Variants in POLR3F observed in about 807,000 individuals in gnomAD.
POLR3F encodes RNA polymerase III subunit F.
Under a neutral mutation model 43.6 loss-of-function variants are expected in POLR3F, and 31 were observed. The ratio of observed to expected loss-of-function variants is 0.71; its 90% CI spans 0.53 to 0.96. POLR3F has a LOEUF of 0.96. POLR3F is among the 40% of genes least tolerant of loss of function. POLR3F has a pLI of 0.00. For synonymous variants in POLR3F, 114 were observed against 132.5 expected (o/e 0.86, Z 0.96); for missense variants, 316 against 391.7 (o/e 0.81, Z 1.63).
In POLR3F at chr20:18,481,741, AC is replaced by A. The variant is rs769110309; in HGVS notation, c.805del (p.Leu269CysfsTer42). 6.2e-7 allele frequency: 1 copy of A among 1,613,266 alleles called. No homozygotes were observed. Among genetic ancestry groups the A allele is most frequent in the Non-Finnish European group, 8.5e-7 (1 of 1,179,452 alleles). On this transcript the variant is annotated frameshift_variant, in exon 8 of 9. Transcript: ENST00000377603. LOFTEE classifies it high-confidence loss of function. Reference sequence around the variant, plus strand: ...TTGGCAGTGTAGATGGACACATGAAACTGTACAGGGCAGTCAATCCAATCAT... The same window carrying A: ...TTGGCAGTGTAGATGGACACATGAAATGTACAGGGCAGTCAATCCAATCAT... ...TVGSVDGHMK[L>X]YRAVNPIIPP...
Position 18,467,468 on chromosome 20 carries a change from C to A in POLR3F, c.-39C>A, listed in dbSNP as rs764647786. On this transcript the variant is annotated 5_prime_UTR_variant, in exon 1 of 9. Transcript: ENST00000377603. ...TCCCCGGCTTGCTACCGGGCTGCTC[C>A]GTGCATCTTTCCCCCCAGGCGTCAG... is the stretch of plus-strand genomic sequence containing the variant. 24 of 1,611,988 alleles carry A rather than the reference C, an allele frequency of 1.5e-5. No homozygotes were observed. The highest frequency in any genetic ancestry group is 1.8e-5 in the Non-Finnish European group (21 of 1,178,106).
intron 5 of POLR3F, among the ~76,000 whole-genome samples, chr20:18,479,332 T>C (rs192883886): frequency 6.7e-6 from 1 of 148,896 alleles, no homozygotes; most frequent in East Asian, 2.0e-4. Context: ...CCGTCTCTGC[T>C]AAAAATACAA....
intron 3 of POLR3F, chr20:18,473,160 G>C (rs1289484977): frequency 3.0e-6 from 1 of 338,890 alleles, no homozygotes; most frequent in Non-Finnish European, 5.4e-6. Context: ...AACAAAAATG[G>C]AATCATGCTA....
Position 18,467,565 on chromosome 20 carries a change from A to G in POLR3F, c.59A>G (p.Asn20Ser). Residue 20 changes from asparagine (N) to serine (S), a missense_variant, in exon 1 of 9, where the codon AAC (asparagine) becomes AGC (serine). By Grantham distance (46) the Asn-to-Ser change is conservative (BLOSUM62 1). This residue lies in a region of POLR3F where 122 missense variants were observed against 133.8 expected (regional missense o/e 0.91). Coordinates refer to ENST00000377603, the MANE Select transcript of POLR3F (RefSeq NM_006466.4). ...PPDADPVEIE[N>S]RIIELCHQFP... ...GACGCGGATCCGGTCGAAATAGAAA[A>G]CAGGTAAACCAGTGAGGCTCCGGCT... 1 of 1,614,188 alleles carries G rather than the reference A, an allele frequency of 6.2e-7. No homozygotes were observed. Among genetic ancestry groups the G allele is most frequent in the Non-Finnish European group, 8.5e-7 (1 of 1,180,010 alleles).
At chr20:18,473,367 T>G (rs757901855) in intron 3 of POLR3F, 24 bp from the exon 4 acceptor site, 5 of 1,005,782 alleles carry the variant, frequency 5.0e-6, no homozygotes, top group Non-Finnish European at 6.4e-6. Flanking sequence ...CTTACCTTAC[T>G]AATTTTACTT....
At chr20:18,467,913 G>A (rs1245632605) in intron 1 of POLR3F, among the ~76,000 whole-genome samples, 1 of 152,186 alleles carries the variant, frequency 6.6e-6, no homozygotes, top group Non-Finnish European at 1.5e-5. Context: ...GTGAATACAT[G>A]TTCTGATCCA....
intron 7 of POLR3F, among the ~76,000 whole-genome samples, chr20:18,481,069 T>C (rs2059807011): frequency 6.6e-6 from 1 of 152,182 alleles, no homozygotes; most frequent in Admixed American, 6.5e-5. Context: ...CGATTTTACT[T>C]AGGAAGTAAA....
At chr20:18,480,218 C>A in intron 6 of POLR3F, 37 bp downstream of exon 6, 1 of 1,563,920 alleles carries the variant, frequency 6.4e-7, no homozygotes, top group South Asian at 1.2e-5. Flanking sequence ...TGCAAACCCT[C>A]TTGTAAAAAG....
At position 18,480,173 on chromosome 20, in the gene POLR3F, C is replaced by G. The variant is rs2059802517; in HGVS notation, c.565C>G (p.Gln189Glu). The stretch of plus-strand genomic sequence containing the variant: ...TAACCAACAGTGTTTTAAATTCCTA[C>G]AGTCCAAGGTGAGGTATGATTGAGG... ...VLNQQCFKFLQSKAETARESK... is the reference protein window; with the variant it reads ...VLNQQCFKFLESKAETARESK... Residue 189 changes from glutamine to glutamate, a missense_variant, in exon 6 of 9, where the codon CAG (glutamine) becomes GAG (glutamate). Coordinates refer to ENST00000377603, the MANE Select transcript of POLR3F (RefSeq NM_006466.4). The G allele has an allele frequency of 6.2e-7, 1 of 1,611,646 alleles. No individual in the cohort carries two copies. The highest frequency in any genetic ancestry group is 1.3e-5 in the African/African-American group (1 of 74,950).
At chr20:18,482,062 A>T (rs2059813637) in intron 8 of POLR3F, among the ~76,000 whole-genome samples, 1 of 132,912 alleles carries the variant, frequency 7.5e-6, no homozygotes, top group South Asian at 2.3e-4. Flanking sequence ...ATCTTGACTC[A>T]TTGCAACCTC....
intron 1 of POLR3F, 65 bp downstream of exon 1, chr20:18,467,633 C>A: frequency 1.2e-6 from 2 of 1,610,866 alleles, no homozygotes; most frequent in South Asian, 2.2e-5. Context: ...AGCTGGACCC[C>A]TTCTCCGGGA....
Position 18,481,700 on chromosome 20 carries a change from G to T in POLR3F, c.763G>T (p.Ala255Ser). 1 of 1,612,256 alleles carries T rather than the reference G, an allele frequency of 6.2e-7. No homozygotes were observed. The highest frequency in any genetic ancestry group is 1.3e-5 in the African/African-American group (1 of 75,000). Residue 255 changes from alanine to serine, a missense_variant, in exon 8 of 9, where the codon GCA (alanine) becomes TCA (serine). Around this residue, in one of 3 missense-constraint regions of POLR3F, gnomAD observed 85 missense variants for 80.2 expected, o/e 1.06. Coordinates refer to ENST00000377603, the MANE Select transcript of POLR3F (RefSeq NM_006466.4). ...DGKVEMTIIAAKEGTVGSVDG... is the reference protein window; with the variant it reads ...DGKVEMTIIASKEGTVGSVDG... Reference sequence around the variant, plus strand: ...AAAAGTGGAGATGACGATTATTGCTGCAAAAGAAGGCACAGTTGGCAGTGT... The same window carrying T: ...AAAAGTGGAGATGACGATTATTGCTTCAAAAGAAGGCACAGTTGGCAGTGT...
At chr20:18,468,730 A>T (rs2059724800) in intron 1 of POLR3F, among the ~76,000 whole-genome samples, 1 of 152,240 alleles carries the variant, frequency 6.6e-6, no homozygotes, top group Admixed American at 6.5e-5. Flanking sequence ...GAGGAAAAGA[A>T]ATATTCTTAA....
intron 2 of POLR3F, chr20:18,469,310 A>T (rs2059734862): frequency 2.5e-6 from 1 of 399,378 alleles, no homozygotes; most frequent in Non-Finnish European, 4.6e-6. Context: ...TTCAGGGCCT[A>T]AATAGAACAA....
chr20:18,479,120 C>T (rs1358326760), intron 5 of POLR3F, among the ~76,000 whole-genome samples: 1 of 151,032 alleles, frequency 6.6e-6, no homozygotes, highest in Admixed American at 6.6e-5. Flanking sequence ...GCACTCCAGC[C>T]TGGCAACAAG....
In POLR3F at chr20:18,483,966, G is replaced by C. The variant is rs146172510; in HGVS notation, c.*408G>C. The C allele has an allele frequency of 4.4e-3, 1,761 of 396,776 alleles. 8 individuals carry two copies. Among genetic ancestry groups the C allele is most frequent in the Middle Eastern group, 7.6e-3 (12 of 1,582 alleles). The allele number at this position is 396,776 out of a possible 1,614,324, so 24.6% of individuals were successfully genotyped here. On this transcript the variant is annotated 3_prime_UTR_variant, in exon 9 of 9. Coordinates refer to ENST00000377603, the MANE Select transcript of POLR3F (RefSeq NM_006466.4). ...CATTGGAAGTTTTTTTTTATATCTG[G>C]TTCACTACCACCATTTTCTGTTTCC...
intron 4 of POLR3F, 92 bp from the exon 5 acceptor site, chr20:18,474,983 T>A: frequency 1.6e-6 from 1 of 637,640 alleles, no homozygotes; most frequent in East Asian, 2.7e-5. Flanking sequence ...AGCTTTATAC[T>A]GCTAGCTTTG....
At chr20:18,467,642 G>C in intron 1 of POLR3F, 74 bp downstream of exon 1, 1 of 1,606,986 alleles carries the variant, frequency 6.2e-7, no homozygotes, top group Non-Finnish European at 8.5e-7. Context: ...CCTTCTCCGG[G>C]ATCCCTTGGG....
At chr20:18,474,588 G>A (rs752126993) in intron 4 of POLR3F, among the ~76,000 whole-genome samples, 50 of 150,782 alleles carry the variant, frequency 3.3e-4, no homozygotes, top group Non-Finnish European at 6.9e-4. Context: ...GTGTGATCTC[G>A]GCTCAGTGCA....
Sources: gnomAD v4.1 joint callset for allele counts (sites outside exome capture counted in the v4.1 genomes callset) on GRCh38, gnomAD v4.1.1 for gene constraint, gnomAD v4.1.1 regional missense constraint, MANE v1.5 for transcripts, NCBI Gene and HGNC (gene_info 2026-07-23, HGNC 2026-07-21) for gene names.